The following NFATC3 variants were observed in gnomAD, a reference collection of about 807,000 sequenced individuals.
NFATC3 encodes nuclear factor of activated T-cells, cytoplasmic 3.
In NFATC3, 46 loss-of-function variants were observed where a neutral mutation model predicts 98.6. That is an observed-to-expected ratio of 0.47 (90% confidence interval 0.37 to 0.60). The LOEUF is 0.60. Ranked by LOEUF, NFATC3 falls within the 20% of genes least tolerant of loss-of-function variation. The pLI, the probability that NFATC3 is intolerant of heterozygous loss-of-function variation, is 0.00. For synonymous variants in NFATC3, 512 were observed against 472.2 expected (o/e 1.08, Z -1.09); for missense variants, 1,256 against 1,295.5 (o/e 0.97, Z 0.47).
chr16:68,165,125 C>G (rs949601328), intron 4 of NFATC3, among the ~76,000 whole-genome samples: 1 of 152,048 alleles, frequency 6.6e-6, no homozygotes, highest in Non-Finnish European at 1.5e-5. Flanking sequence ...GCTATTTCCC[C>G]TGAAGACCCA....
intron 9 of NFATC3, among the ~76,000 whole-genome samples, chr16:68,193,157 T>C (rs2040517643): frequency 6.6e-6 from 1 of 152,290 alleles, no homozygotes; most frequent in Admixed American, 6.5e-5. Flanking sequence ...TTACATTGTA[T>C]TTGGTATTAT....
intron 9 of NFATC3, among the ~76,000 whole-genome samples, chr16:68,215,074 T>C (rs2041581116): frequency 6.6e-6 from 1 of 152,216 alleles, no homozygotes; most frequent in Admixed American, 6.5e-5. Flanking sequence ...ATAGAAATTA[T>C]AAATACACAG....
intron 5 of NFATC3, among the ~76,000 whole-genome samples, chr16:68,167,857 A>AGATTTACTC (rs2039282099): frequency 3.2e-5 from 1 of 31,438 alleles, no homozygotes; most frequent in South Asian, 9.9e-4. Context: ...TTTGAGACGG[A>AGATTTACTC]GATTTACTCT....
chr16:68,126,136 G>A (rs1293654956), intron 2 of NFATC3, among the ~76,000 whole-genome samples: 1 of 151,944 alleles, frequency 6.6e-6, no homozygotes, highest in Admixed American at 6.6e-5. Context: ...TGCCCACCTC[G>A]GCCTCCCAAA....
Position 68,226,332 on chromosome 16 carries a change from CCTTTT to C in NFATC3, c.3107-14_3107-10del, listed in dbSNP as rs1702056198. ...CACTCAGAGGTCACTAATCACTCTC[CCTTTT>C]CTTGTTTTTCAGTGAACGAGATAAT... On this transcript the variant is annotated splice_polypyrimidine_tract_variant and intron_variant, in intron 9 of 9. Transcript: ENST00000346183. 6.4e-7 allele frequency: 1 copy of C among 1,569,994 alleles called. No individual in the cohort carries two copies. The highest frequency in any genetic ancestry group is 1.4e-5 in the African/African-American group (1 of 71,610).
intron 9 of NFATC3, chr16:68,218,121 G>A: frequency 2.6e-6 from 2 of 779,562 alleles, no homozygotes; most frequent in Non-Finnish European, 3.1e-6. Flanking sequence ...GTGCAGTGGT[G>A]CACGATCATA....
rs550611355 is a variant in NFATC3, at chr16:68,127,173, G to A, written c.1401+563G>A. ...GGTTGCAGTGAGCCAAGATCGTGTCGCTGCACTCCAGCCTGGGTGACAGAA... is the reference window on the plus strand; with the variant it reads ...GGTTGCAGTGAGCCAAGATCGTGTCACTGCACTCCAGCCTGGGTGACAGAA... On this transcript the variant is annotated intron_variant, in intron 3 of 9. Coordinates refer to ENST00000346183, the MANE Select transcript of NFATC3 (RefSeq NM_173165.3). Among the ~76,000 whole-genome samples the A allele has an allele frequency of 7.0e-4, 107 of 152,138 alleles. 1 individual carries two copies. Among genetic ancestry groups the A allele is most frequent in the African/African-American group, 2.4e-3 (99 of 41,514 alleles).
chr16:68,159,406 T>C (rs1326610281), intron 4 of NFATC3, among the ~76,000 whole-genome samples: 4 of 144,714 alleles, frequency 2.8e-5, no homozygotes, highest in African/African-American at 5.0e-5. Flanking sequence ...CTTTCTTTCT[T>C]TTTTTTTTTT....
chr16:68,221,651 T>TGTA, intron 9 of NFATC3: 1 of 940,046 alleles, frequency 1.1e-6, no homozygotes, highest in Non-Finnish European at 1.3e-6. Context: ...AAGTGAATCC[T>TGTA]GTAGTATAAT....
At chr16:68,121,885 C>T (rs540077968) in intron 1 of NFATC3, 102 bp from the exon 2 acceptor site, 23 of 1,362,864 alleles carry the variant, frequency 1.7e-5, no homozygotes, top group South Asian at 1.6e-4. Flanking sequence ...TTTTTTCTCT[C>T]GAGATTGTTA....
chr16:68,190,123 G>C (rs77962120), intron 8 of NFATC3, among the ~76,000 whole-genome samples: 5 of 152,190 alleles, frequency 3.3e-5, no homozygotes, highest in African/African-American at 1.2e-4. Flanking sequence ...TACTATTTTT[G>C]TATGTTGATT....
chr16:68,187,646 C>T (rs1048662628), intron 8 of NFATC3, among the ~76,000 whole-genome samples: 1 of 152,104 alleles, frequency 6.6e-6, no homozygotes, highest in African/African-American at 2.4e-5. Flanking sequence ...CTTCTCAGCC[C>T]TCAGCAGAGA....
intron 8 of NFATC3, among the ~76,000 whole-genome samples, chr16:68,187,554 G>C (rs2040257346): frequency 6.6e-6 from 1 of 152,134 alleles, no homozygotes; most frequent in Admixed American, 6.5e-5. Flanking sequence ...TCTGCAGCCA[G>C]GGTGTCCCAA....
intron 1 of NFATC3, among the ~76,000 whole-genome samples, chr16:68,116,692 C>G (rs1005117695): frequency 6.6e-6 from 1 of 152,158 alleles, no homozygotes; most frequent in African/African-American, 2.4e-5. Context: ...GCTTCATCTA[C>G]AGTTTATTTG....
At chr16:68,155,681 T>G (rs2038573355) in intron 3 of NFATC3, among the ~76,000 whole-genome samples, 2 of 149,100 alleles carry the variant, frequency 1.3e-5, no homozygotes, top group African/African-American at 5.1e-5. Flanking sequence ...TGAATCAGAC[T>G]ATAGCTTCAG....
At chr16:68,160,380 G>A (rs903239808) in intron 4 of NFATC3, among the ~76,000 whole-genome samples, 1 of 151,998 alleles carries the variant, frequency 6.6e-6, no homozygotes, top group South Asian at 2.1e-4. Flanking sequence ...CTTGAGAATC[G>A]CTTGAATCCA....
At chr16:68,093,077 G>A (rs1410027442) in intron 1 of NFATC3, among the ~76,000 whole-genome samples, 1 of 148,906 alleles carries the variant, frequency 6.7e-6, no homozygotes, top group Non-Finnish European at 1.5e-5. Context: ...GTTTTTCATT[G>A]TGCTCCACCA....
At chr16:68,165,332 C>T (rs1240462434) in intron 4 of NFATC3, among the ~76,000 whole-genome samples, 2 of 146,400 alleles carry the variant, frequency 1.4e-5, no homozygotes, top group Admixed American at 6.8e-5. Flanking sequence ...TTTTGAGTGG[C>T]TTAATTCCTT....
intron 3 of NFATC3, among the ~76,000 whole-genome samples, chr16:68,152,502 C>A (rs1322973355): frequency 1.3e-5 from 2 of 151,776 alleles, no homozygotes; most frequent in Admixed American, 6.6e-5. Flanking sequence ...CCAAAATGGG[C>A]CCTACACCTG....
Sources: allele counts gnomAD v4.1 joint callset (sites outside exome capture counted in the v4.1 genomes callset), GRCh38; gene constraint gnomAD v4.1.1; transcripts MANE v1.5; gene names NCBI Gene and HGNC (gene_info 2026-07-23, HGNC 2026-07-21).